PTCHD4: variants seen among roughly 807,000 people sequenced by gnomAD.
PTCHD4 encodes patched domain-containing protein 4.
Under a neutral mutation model 58.1 loss-of-function variants are expected in PTCHD4, and 33 were observed. That is an observed-to-expected ratio of 0.57 (90% CI 0.43 to 0.76). The LOEUF is 0.76. PTCHD4 is among the 30% of genes least tolerant of loss of function. The probability of loss-of-function intolerance (pLI) is 0.00; values close to 1 mark genes in which losing one functional copy is unlikely to be tolerated. For synonymous variants in PTCHD4, 478 were observed against 409.6 expected, an observed-to-expected ratio of 1.17 and a Z score of -2.02; for missense variants, 1,058 against 1,027.1, an observed-to-expected ratio of 1.03 and a Z score of -0.41.
At chr6:48,093,546 A>G (rs1189569709) in intron 1 of PTCHD4, among the ~76,000 whole-genome samples, 2 of 152,184 alleles carry the variant, frequency 1.3e-5, no homozygotes, top group South Asian at 2.1e-4. Flanking sequence ...TCAAAGTAGT[A>G]TACCATTAAA....
In PTCHD4 at chr6:47,874,991, A is replaced by G. The variant is rs868632740; in HGVS notation, c.*3312T>C. ...TTTGAAGTTTATTAACATCAAAGAG[A>G]GTGGAGCTCACATGGCACTTTCCAA... On this transcript the variant is annotated 3_prime_UTR_variant, in exon 5 of 5. Coordinates refer to ENST00000339488, the MANE Select transcript of PTCHD4 (RefSeq NM_001384253.1). Among the ~76,000 whole-genome samples, 7 of 151,958 alleles carry G rather than the reference A, an allele frequency of 4.6e-5. No individual in the cohort carries two copies. The highest frequency in any genetic ancestry group is 3.4e-3 in the Middle Eastern group (1 of 294).
At position 47,878,323 on chromosome 6, in the gene PTCHD4, C is replaced by T; in HGVS notation, c.2512G>A (p.Asp838Asn). The change falls in exon 5 of 5, where the codon GAT becomes AAT. Residue 838 changes from aspartate to asparagine, a missense_variant. Physicochemically the swap from Asp to Asn is conservative, Grantham distance 23. Coordinates refer to ENST00000339488, the MANE Select transcript of PTCHD4 (RefSeq NM_001384253.1). ...IECIEIQENP[D>N]HVTTV ...ACCCCTCATACTGTGGTGACGTGAT[C>T]CGGGTTCTCTTGAATTTCTATGCAT... 1 of 1,599,578 alleles carries T rather than the reference C, an allele frequency of 6.3e-7. No individual in the cohort carries two copies. The highest frequency in any genetic ancestry group is 8.5e-7 in the Non-Finnish European group (1 of 1,173,272).
rs571096650 is a variant in PTCHD4 at position 47,858,422 on chromosome 6, A to G, written c.*19881T>C. On this transcript the variant is annotated 3_prime_UTR_variant, in exon 5 of 5. Transcript: ENST00000339488. ...ATATAAGTAACAATCTCAGCTGAGA[A>G]TGAGGCAGAAATGTAAACATTAATG... Among the ~76,000 whole-genome samples, 4 of 152,176 alleles carry G rather than the reference A, an allele frequency of 2.6e-5. No homozygotes were observed. Among genetic ancestry groups the G allele is most frequent in the African/African-American group, 9.6e-5 (4 of 41,568 alleles).
intron 4 of PTCHD4, among the ~76,000 whole-genome samples, chr6:47,914,882 T>A (rs1020707570): frequency 5.3e-5 from 8 of 151,678 alleles, no homozygotes; most frequent in Non-Finnish European, 8.8e-5. Context: ...AATAAAAGAG[T>A]GAGTACTGTG....
intron 4 of PTCHD4, among the ~76,000 whole-genome samples, chr6:47,934,183 G>T (rs1765922648): frequency 6.6e-6 from 1 of 152,136 alleles, no homozygotes; most frequent in Admixed American, 6.5e-5. Flanking sequence ...TTGCGGCAGG[G>T]AGGAGCCGGG....
intron 1 of PTCHD4, among the ~76,000 whole-genome samples, chr6:48,106,606 A>G (rs554324109): frequency 6.6e-6 from 1 of 152,184 alleles, no homozygotes; most frequent in Non-Finnish European, 1.5e-5. Context: ...GGCCAGGGCA[A>G]TCAGGCAGGA....
intron 4 of PTCHD4, among the ~76,000 whole-genome samples, chr6:47,898,937 G>A (rs115202006): frequency 0.014 from 2,062 of 152,334 alleles, 22 homozygotes; most frequent in South Asian, 0.026. Flanking sequence ...AATGAGAGGG[G>A]TCATGCTCTC....
chr6:47,960,043 A>G (rs1767019968), intron 4 of PTCHD4, among the ~76,000 whole-genome samples: 1 of 152,090 alleles, frequency 6.6e-6, no homozygotes, highest in African/African-American at 2.4e-5. Flanking sequence ...ATATGTGGCA[A>G]TAATAATATG....
chr6:48,097,154 T>C (rs1765489142), intron 1 of PTCHD4, among the ~76,000 whole-genome samples: 1 of 152,054 alleles, frequency 6.6e-6, no homozygotes, highest in Non-Finnish European at 1.5e-5. Context: ...ACTTAGAGAA[T>C]AAAAGCTTAT....
At chr6:48,010,303 G>T (rs1762621318) in intron 3 of PTCHD4, among the ~76,000 whole-genome samples, 1 of 152,162 alleles carries the variant, frequency 6.6e-6, no homozygotes, top group Admixed American at 6.5e-5. Flanking sequence ...AGAAGAAACA[G>T]TTCTTCCTAG....
At chr6:47,883,096 C>G (rs902171422) in intron 4 of PTCHD4, among the ~76,000 whole-genome samples, 1 of 151,816 alleles carries the variant, frequency 6.6e-6, no homozygotes, top group East Asian at 1.9e-4. Flanking sequence ...TCCAGAAGAG[C>G]TATATACTAT....
At chr6:48,097,800 A>C (rs1217274129) in intron 1 of PTCHD4, among the ~76,000 whole-genome samples, 1 of 152,244 alleles carries the variant, frequency 6.6e-6, no homozygotes, top group African/African-American at 2.4e-5. Context: ...CAAAGCCATC[A>C]TAAATACAGA....
intron 3 of PTCHD4, among the ~76,000 whole-genome samples, chr6:48,049,851 G>A (rs1473133125): frequency 5.3e-5 from 8 of 151,706 alleles, no homozygotes; most frequent in Admixed American, 5.3e-4. Context: ...CAATATTTTG[G>A]GTACTCTCAG....
intron 3 of PTCHD4, among the ~76,000 whole-genome samples, chr6:48,029,138 C>T (rs1019449552): frequency 4.6e-5 from 7 of 152,000 alleles, no homozygotes; most frequent in Non-Finnish European, 1.0e-4. Context: ...ACATTACATG[C>T]CACAGAAATA....
At chr6:48,026,260 A>G in intron 3 of PTCHD4, among the ~76,000 whole-genome samples, 1 of 151,970 alleles carries the variant, frequency 6.6e-6, no homozygotes, top group Admixed American at 6.6e-5. Flanking sequence ...GCTGGCTGTG[A>G]GGTTTCTTTG....
At chr6:47,936,891 A>C (rs1385195421) in intron 4 of PTCHD4, among the ~76,000 whole-genome samples, 1 of 152,238 alleles carries the variant, frequency 6.6e-6, no homozygotes, top group African/African-American at 2.4e-5. Context: ...TCCAGTCTTA[A>C]CCTAGAGGTG....
intron 4 of PTCHD4, among the ~76,000 whole-genome samples, chr6:47,895,152 AAAC>A (rs1561943766): frequency 6.8e-6 from 1 of 147,916 alleles, no homozygotes; most frequent in African/African-American, 2.5e-5. Context: ...AAAAAAAAAG[AAAC>A]AATAATAAAA....
chr6:47,925,364 A>G (rs1229009148), intron 4 of PTCHD4, among the ~76,000 whole-genome samples: 1 of 152,110 alleles, frequency 6.6e-6, no homozygotes, highest in Non-Finnish European at 1.5e-5. Context: ...ATATTCCTAT[A>G]TCATGTTTAT....
At chr6:48,097,473 A>G (rs1582135842) in intron 1 of PTCHD4, among the ~76,000 whole-genome samples, 2 of 152,228 alleles carry the variant, frequency 1.3e-5, no homozygotes, top group Admixed American at 6.5e-5. Context: ...GCAAATCTAA[A>G]GAATTCCAAG....
Sources: gnomAD v4.1 joint callset for allele counts (sites outside exome capture counted in the v4.1 genomes callset) on GRCh38, gnomAD v4.1.1 for gene constraint, MANE v1.5 for transcripts, NCBI Gene and HGNC (gene_info 2026-07-23, HGNC 2026-07-21) for gene names.